The following ATP11C variants were observed in gnomAD, a reference collection of about 807,000 sequenced individuals.
The protein encoded by ATP11C is phospholipid-transporting ATPase IG.
In ATP11C, 36 loss-of-function variants were observed where a neutral mutation model predicts 97.4. That is an observed-to-expected ratio of 0.37 (90% CI 0.28 to 0.49). ATP11C has a LOEUF of 0.49. Ranked by LOEUF, ATP11C falls within the 20% of genes least tolerant of loss-of-function variation. The pLI is 0.98. For synonymous variants in ATP11C, 275 were observed against 290.9 expected (o/e 0.95, Z 0.56); for missense variants, 730 against 824.6 (o/e 0.89, Z 1.40).
At chrX:139,730,124 G>T (rs945200191) in intron 29 of ATP11C, among the ~76,000 whole-genome samples, 3 of 111,298 alleles carry the variant, frequency 2.7e-5, no homozygotes, top group African/African-American at 9.8e-5. Flanking sequence ...TCTATTCCTG[G>T]AAGAAATAAC....
At chrX:139,822,964 C>T in intron 2 of ATP11C, among the ~76,000 whole-genome samples, 1 of 110,950 alleles carries the variant, frequency 9.0e-6, no homozygotes, top group Admixed American at 9.5e-5. Context: ...CACCTGTAAT[C>T]CCAGCACTTT....
At chrX:139,917,006 C>T (rs1189129897) in intron 1 of ATP11C, among the ~76,000 whole-genome samples, 1 of 111,475 alleles carries the variant, frequency 9.0e-6, no homozygotes. Flanking sequence ...GGTGCCAAAA[C>T]CACTCAGTGG....
chrX:139,855,257 C>T (rs940094556), intron 1 of ATP11C, among the ~76,000 whole-genome samples: 12 of 111,802 alleles, frequency 1.1e-4, no homozygotes, highest in Non-Finnish European at 2.1e-4. Context: ...TGCTGATGTA[C>T]CCACATTTAA....
chrX:139,812,273 T>G (rs896531457), intron 5 of ATP11C, among the ~76,000 whole-genome samples: 1 of 111,687 alleles, frequency 9.0e-6, no homozygotes, highest in Non-Finnish European at 1.9e-5. Context: ...ACACAATAAT[T>G]TAATCACAAT....
intron 1 of ATP11C, chrX:139,910,001 TGCTAG>T (rs2085047990): frequency 8.9e-6 from 1 of 112,551 alleles, no homozygotes; most frequent in Non-Finnish European, 1.9e-5. Context: ...ACAGGACTAT[TGCTAG>T]ATCTATGGGA....
chrX:139,757,569 A>T (rs1374485021), intron 23 of ATP11C, among the ~76,000 whole-genome samples: 1 of 111,892 alleles, frequency 8.9e-6, no homozygotes, highest in Non-Finnish European at 1.9e-5. Context: ...AAAAGAAAAA[A>T]TTCAAAATAC....
In ATP11C at chrX:139,793,100, G is replaced by A. The variant is rs6635908; in HGVS notation, c.1206+3173C>T. ...GAATTGAACTAGAGGACACCCAGTTGGTGTTCACTGTTTGTCGGTGAGAGA... is the reference window on the plus strand; with the variant it reads ...GAATTGAACTAGAGGACACCCAGTTAGTGTTCACTGTTTGTCGGTGAGAGA... On this transcript the variant is annotated intron_variant, in intron 12 of 29. Coordinates refer to ENST00000682941, the MANE Select transcript of ATP11C (RefSeq NM_001353812.2). Among the ~76,000 whole-genome samples, 84 of 111,469 alleles carry A rather than the reference G, an allele frequency of 7.5e-4. No homozygotes were observed. The East Asian group carries it at 0.022, about 30-fold the overall frequency.
intron 29 of ATP11C, among the ~76,000 whole-genome samples, chrX:139,730,461 C>T (rs1265048917): frequency 1.8e-5 from 2 of 111,617 alleles, no homozygotes; most frequent in Non-Finnish European, 1.9e-5. Flanking sequence ...TAAAAAGATG[C>T]TAACTGTGGC....
chrX:139,832,611 G>A (rs2083674015), intron 1 of ATP11C, among the ~76,000 whole-genome samples: 1 of 112,195 alleles, frequency 8.9e-6, no homozygotes, highest in African/African-American at 3.2e-5. Context: ...ATAAAAAGTG[G>A]GGCTAAACAA....
rs371367218 is a variant in ATP11C, at chrX:139,904,293, C to T, written c.27+27723G>A. On this transcript the variant is annotated intron_variant, in intron 1 of 29. Transcript: ENST00000682941. ...CTGTAATCCCAACACTTTGGGAGGCCGAGGTGGGTGGATCACCTGAGGTCG... is the reference window on the plus strand; with the variant it reads ...CTGTAATCCCAACACTTTGGGAGGCTGAGGTGGGTGGATCACCTGAGGTCG... Among the ~76,000 whole-genome samples the T allele has an allele frequency of 6.4e-3, 712 of 110,776 alleles. 4 individuals carry two copies. The highest frequency in any genetic ancestry group is 8.5e-3 in the Non-Finnish European group (452 of 52,938).
chrX:139,752,651 T>A (rs1014014597), intron 23 of ATP11C, among the ~76,000 whole-genome samples: 1 of 112,141 alleles, frequency 8.9e-6, no homozygotes, highest in Non-Finnish European at 1.9e-5. Context: ...CCAACTTACC[T>A]TTAGCACACT....
chrX:139,771,655 G>A (rs762957929), intron 19 of ATP11C, among the ~76,000 whole-genome samples: 2 of 111,645 alleles, frequency 1.8e-5, no homozygotes, highest in Admixed American at 1.9e-4. Flanking sequence ...GTTGGGAACC[G>A]GAGCAAAGGT....
chrX:139,844,726 A>G (rs750579806), intron 1 of ATP11C, among the ~76,000 whole-genome samples: 24 of 111,983 alleles, frequency 2.1e-4, no homozygotes, highest in Non-Finnish European at 3.6e-4. Context: ...ATTGAAACAA[A>G]TATTTAAAGA....
chrX:139,758,910 A>G (rs1164167500), intron 22 of ATP11C, among the ~76,000 whole-genome samples: 5 of 111,808 alleles, frequency 4.5e-5, no homozygotes, highest in African/African-American at 1.6e-4. Flanking sequence ...AACATCTACC[A>G]CAGCTGAGGA....
intron 1 of ATP11C, among the ~76,000 whole-genome samples, chrX:139,828,371 G>A (rs2083574721): frequency 8.9e-6 from 1 of 111,837 alleles, no homozygotes; most frequent in African/African-American, 3.2e-5. Flanking sequence ...GTAATATACA[G>A]GTTCTGACAC....
At position 139,798,294 on chromosome X, in the gene ATP11C, T is replaced by A; in HGVS notation, c.836A>T (p.Gln279Leu). The A allele has an allele frequency of 8.3e-7, 1 of 1,207,802 alleles. No homozygotes were observed. Among genetic ancestry groups the A allele is most frequent in the Non-Finnish European group, 1.1e-6 (1 of 893,772 alleles). ...TAACTTTTCAACAGCAGAACGTTTC[T>A]GAGATTTCCCTTGGTAGTTCAAAGC... is the stretch of plus-strand genomic sequence containing the variant. ...KMALNYQGKS[Q>L]KRSAVEKSIN... The change falls in exon 10 of 30, where the codon CAG (glutamine) becomes CTG (leucine). Residue 279 changes from glutamine to leucine, a missense_variant. Coordinates refer to ENST00000682941, the MANE Select transcript of ATP11C (RefSeq NM_001353812.2).
At chrX:139,876,726 G>T (rs773917502) in intron 1 of ATP11C, among the ~76,000 whole-genome samples, 1 of 112,234 alleles carries the variant, frequency 8.9e-6, no homozygotes, top group East Asian at 2.8e-4. Flanking sequence ...AGGAGGTAAC[G>T]ATGTAGAAAG....
intron 13 of ATP11C, among the ~76,000 whole-genome samples, 199 bp downstream of exon 13, chrX:139,789,128 G>GCCC (rs1403016961): frequency 9.1e-6 from 1 of 109,507 alleles, no homozygotes; most frequent in Non-Finnish European, 1.9e-5. Context: ...GCTTGAACCT[G>GCCC]GGAAGCGGAG....
At chrX:139,866,560 A>G (rs2084291638) in intron 1 of ATP11C, among the ~76,000 whole-genome samples, 1 of 109,189 alleles carries the variant, frequency 9.2e-6, no homozygotes, top group East Asian at 2.9e-4. Flanking sequence ...TCTACAAAAA[A>G]TAAAACAAGT....
Sources: gnomAD v4.1 joint callset for allele counts (sites outside exome capture counted in the v4.1 genomes callset) on GRCh38, gnomAD v4.1.1 for gene constraint, MANE v1.5 for transcripts, NCBI Gene and HGNC (gene_info 2026-07-23, HGNC 2026-07-21) for gene names.